The following SPAG16 variants were observed in gnomAD, a reference collection of about 807,000 sequenced individuals.
SPAG16 encodes sperm associated antigen 16, also known as sperm-associated antigen 16 protein.
A neutral mutation model predicts 80.4 loss-of-function variants in SPAG16; 86 were observed. The observed-to-expected ratio is 1.07, with a 90% CI of 0.90 to 1.28. The LOEUF is 1.28. Ranked by LOEUF, SPAG16 falls within the 50% of genes most tolerant of loss-of-function variation. The probability of loss-of-function intolerance (pLI) is 0.00; values close to 1 mark genes in which losing one functional copy is unlikely to be tolerated. For synonymous variants in SPAG16, 294 were observed against 265.9 expected (o/e 1.11, Z -1.03); for missense variants, 870 against 765.3 (o/e 1.14, Z -1.61).
At chr2:213,514,029 A>C (rs1178045892) in intron 10 of SPAG16, among the ~76,000 whole-genome samples, 1 of 152,198 alleles carries the variant, frequency 6.6e-6, no homozygotes, top group African/African-American at 2.4e-5. Flanking sequence ...TAGATACCAG[A>C]CAGTTAATCT....
intron 14 of SPAG16, among the ~76,000 whole-genome samples, chr2:214,117,119 G>C (rs2053969940): frequency 6.6e-6 from 1 of 152,024 alleles, no homozygotes; most frequent in African/African-American, 2.4e-5. Flanking sequence ...AAAATATAGA[G>C]AAACAATTGA....
At chr2:214,163,128 A>G (rs548977844) in intron 15 of SPAG16, among the ~76,000 whole-genome samples, 33 of 152,198 alleles carry the variant, frequency 2.2e-4, no homozygotes, top group African/African-American at 7.9e-4. Context: ...GTCAGTTTTC[A>G]CTGTATGTAT....
At chr2:214,041,510 A>G (rs2049007643) in intron 13 of SPAG16, among the ~76,000 whole-genome samples, 1 of 151,484 alleles carries the variant, frequency 6.6e-6, no homozygotes, top group African/African-American at 2.4e-5. Context: ...TGAAAAAAGC[A>G]TAGTTTCATT....
chr2:213,855,539 A>C (rs978127157), intron 10 of SPAG16, among the ~76,000 whole-genome samples: 1 of 152,102 alleles, frequency 6.6e-6, no homozygotes, highest in African/African-American at 2.4e-5. Flanking sequence ...TTTTTTTCTA[A>C]CTGAAGTGTA....
chr2:213,433,915 C>CTTTTT (rs33989475), intron 9 of SPAG16, among the ~76,000 whole-genome samples: 29 of 85,000 alleles, frequency 3.4e-4, no homozygotes, highest in African/African-American at 9.8e-4. Context: ...TTTTCTTTGT[C>CTTTTT]TTTTTTTTTT....
intron 14 of SPAG16, among the ~76,000 whole-genome samples, chr2:214,140,018 A>C (rs981551289): frequency 1.3e-5 from 2 of 152,158 alleles, no homozygotes; most frequent in Non-Finnish European, 2.9e-5. Flanking sequence ...TGTATCTCCC[A>C]TGTACTGGTT....
At chr2:214,362,971 T>C (rs542738476) in intron 15 of SPAG16, among the ~76,000 whole-genome samples, 8 of 152,098 alleles carry the variant, frequency 5.3e-5, no homozygotes, top group Admixed American at 2.0e-4. Context: ...CATATTTGTC[T>C]TCCTTCAATG....
intron 15 of SPAG16, among the ~76,000 whole-genome samples, chr2:214,217,423 T>C (rs2058459700): frequency 6.6e-6 from 1 of 152,226 alleles, no homozygotes; most frequent in African/African-American, 2.4e-5. Flanking sequence ...TGAAAGCACC[T>C]ATGTGACCCC....
At chr2:213,990,276 A>G (rs2046212259) in intron 12 of SPAG16, among the ~76,000 whole-genome samples, 1 of 152,154 alleles carries the variant, frequency 6.6e-6, no homozygotes, top group African/African-American at 2.4e-5. Flanking sequence ...CTAAAATACT[A>G]GAGTTGTATT....
In SPAG16 at chr2:213,835,824, C is replaced by T. The variant is rs1297287380; in HGVS notation, c.1071-26661C>T. 2.0e-5 allele frequency among the ~76,000 whole-genome samples: 3 copies of T among 152,014 alleles called. No individual in the cohort carries two copies. The East Asian group carries it at 5.8e-4, about 29-fold the overall frequency. On this transcript the variant is annotated intron_variant, in intron 10 of 15. Transcript: ENST00000331683. ...CAGTTTTCATATTTTCCAATTTGTA[C>T]TTTATTTTAATATCAAAAGGTTATG...
At chr2:214,346,436 G>A (rs1481500830) in intron 15 of SPAG16, among the ~76,000 whole-genome samples, 2 of 152,056 alleles carry the variant, frequency 1.3e-5, no homozygotes, top group Admixed American at 6.6e-5. Flanking sequence ...GTTTTGTAAT[G>A]GTTCTATATC....
At chr2:213,289,473 A>G (rs917965315) in intron 1 of SPAG16, among the ~76,000 whole-genome samples, 1 of 152,202 alleles carries the variant, frequency 6.6e-6, no homozygotes, top group African/African-American at 2.4e-5. Context: ...TAGGATATTA[A>G]TAAGAATTCT....
chr2:213,674,310 AT>A (rs1049646285), intron 10 of SPAG16, among the ~76,000 whole-genome samples: 3 of 149,378 alleles, frequency 2.0e-5, no homozygotes, highest in African/African-American at 4.9e-5. Flanking sequence ...ATAAGATGTG[AT>A]TTTTTTTCTT....
At chr2:214,202,757 A>C (rs1397145305) in intron 15 of SPAG16, among the ~76,000 whole-genome samples, 1 of 152,180 alleles carries the variant, frequency 6.6e-6, no homozygotes, top group Non-Finnish European at 1.5e-5. Context: ...AGAGAATTGA[A>C]TCTAAGATAC....
chr2:213,941,569 T>C (rs2079200349), intron 12 of SPAG16, among the ~76,000 whole-genome samples: 1 of 152,128 alleles, frequency 6.6e-6, no homozygotes, highest in South Asian at 2.1e-4. Flanking sequence ...GGCAAAACAA[T>C]GAGCTTGGAA....
intron 9 of SPAG16, among the ~76,000 whole-genome samples, chr2:213,439,989 T>G (rs540542860): frequency 1.3e-4 from 20 of 152,348 alleles, no homozygotes; most frequent in Admixed American, 7.8e-4. Context: ...ACATAAAATT[T>G]TATAAATAAA....
chr2:213,710,759 G>A (rs900865000), intron 10 of SPAG16, among the ~76,000 whole-genome samples: 1 of 152,168 alleles, frequency 6.6e-6, no homozygotes, highest in Non-Finnish European at 1.5e-5. Context: ...GTTGTTAGGA[G>A]TCCATATTAA....
intron 10 of SPAG16, among the ~76,000 whole-genome samples, chr2:213,601,745 T>C (rs1204728132): frequency 6.6e-6 from 1 of 152,236 alleles, no homozygotes; most frequent in East Asian, 1.9e-4. Context: ...ACATAAATAC[T>C]TACCATTGTG....
chr2:213,676,911 G>C (rs2064110887), intron 10 of SPAG16, among the ~76,000 whole-genome samples: 1 of 150,948 alleles, frequency 6.6e-6, no homozygotes, highest in African/African-American at 2.4e-5. Context: ...ATGAGTTAGG[G>C]AGGATTCCCT....
Sources: allele counts gnomAD v4.1 joint callset (sites outside exome capture counted in the v4.1 genomes callset), GRCh38; gene constraint gnomAD v4.1.1; transcripts MANE v1.5; gene names NCBI Gene and HGNC (gene_info 2026-07-23, HGNC 2026-07-21).